The following DIAPH2 variants were observed in gnomAD, a reference collection of about 807,000 sequenced individuals.
DIAPH2 encodes the protein protein diaphanous homolog 2.
A neutral mutation model predicts 92.7 loss-of-function variants in DIAPH2; 35 were observed. The observed-to-expected ratio is 0.38, with a 90% CI of 0.29 to 0.50. The LOEUF (loss-of-function observed/expected upper bound fraction) is 0.50. Among genes scored for constraint, DIAPH2 ranks in the 20% least tolerant of loss-of-function variants. The pLI is 0.94. For synonymous variants in DIAPH2, 301 were observed against 280.4 expected, an observed-to-expected ratio of 1.07 and a Z score of -0.73; for missense variants, 701 against 819.5, an observed-to-expected ratio of 0.86 and a Z score of 1.77.
At chrX:96,958,884 A>G (rs972867444) in intron 16 of DIAPH2, among the ~76,000 whole-genome samples, 3 of 111,635 alleles carry the variant, frequency 2.7e-5, no homozygotes, top group African/African-American at 6.5e-5. Context: ...CTCCAATTCC[A>G]TACATATTGC....
intron 23 of DIAPH2, among the ~76,000 whole-genome samples, chrX:97,282,916 C>T (rs1049538695): frequency 6.3e-5 from 7 of 111,429 alleles, no homozygotes; most frequent in Middle Eastern, 4.7e-3. Flanking sequence ...CATGTATGAT[C>T]GTGTTTCCTG....
rs962776012 is a variant in DIAPH2 at position 96,718,336 on chromosome X, GTTTTTTTTT to G, written c.133-17392_133-17384del. Among the ~76,000 whole-genome samples, 22 of 10,986 alleles carry G rather than the reference GTTTTTTTTT, an allele frequency of 2.0e-3. 1 individual carries two copies. Among genetic ancestry groups the G allele is most frequent in the African/African-American group, 9.7e-3 (21 of 2,171 alleles). 9.5% of individuals were successfully genotyped at this position (10,986 alleles called of 115,157 possible). A position where few individuals can be genotyped will look rare whatever the true frequency, so the allele number is the denominator to read the frequency against. ...TGTATATATGTACCACATTTTCTTT[GTTTTTTTTT>G]TTTTTTTTTTTTTTTTTTTTTTTTT... On this transcript the variant is annotated intron_variant, in intron 1 of 26. Transcript: ENST00000324765.
At chrX:96,970,960 T>C (rs774176790) in intron 17 of DIAPH2, among the ~76,000 whole-genome samples, 1 of 112,205 alleles carries the variant, frequency 8.9e-6, no homozygotes, top group Admixed American at 9.4e-5. Flanking sequence ...TCCAAAAAAA[T>C]TTTTATTTTC....
chrX:96,882,923 C>T (rs966909279), intron 5 of DIAPH2, among the ~76,000 whole-genome samples: 5 of 85,446 alleles, frequency 5.9e-5, no homozygotes, highest in Non-Finnish European at 6.4e-5. Context: ...CCCGCCACTG[C>T]ACTCCAACCT....
At position 96,996,708 on chromosome X, in the gene DIAPH2, G is replaced by A. The variant is rs368968040; in HGVS notation, c.2050+31501G>A. Among the ~76,000 whole-genome samples the A allele has an allele frequency of 3.6e-5, 4 of 111,872 alleles. No homozygotes were observed. The East Asian group carries it at 1.1e-3, about 32-fold the overall frequency. ...ACAATCCTTATTTAATAGATACTTA[G>A]TTTGAATTGCTATAGTTATATTATT... On this transcript the variant is annotated intron_variant, in intron 17 of 26. Coordinates refer to ENST00000324765, the MANE Select transcript of DIAPH2 (RefSeq NM_006729.5).
intron 23 of DIAPH2, among the ~76,000 whole-genome samples, chrX:97,341,596 C>A (rs1181221734): frequency 9.1e-6 from 1 of 110,416 alleles, no homozygotes; most frequent in Non-Finnish European, 1.9e-5. Flanking sequence ...AGCTAAAAAA[C>A]CAGGAAAACT....
intron 17 of DIAPH2, among the ~76,000 whole-genome samples, chrX:97,065,540 G>A (rs1385898497): frequency 9.0e-6 from 1 of 111,534 alleles, no homozygotes; most frequent in African/African-American, 3.3e-5. Context: ...AACATACTGT[G>A]CTGCCAGTAA....
intron 23 of DIAPH2, among the ~76,000 whole-genome samples, chrX:97,303,548 T>C (rs1320264175): frequency 1.8e-5 from 2 of 111,296 alleles, no homozygotes; most frequent in African/African-American, 3.3e-5. Flanking sequence ...GCATAGGAGG[T>C]ATTATTTATT....
chrX:97,178,716 G>A (rs778779909), intron 22 of DIAPH2, among the ~76,000 whole-genome samples: 1 of 110,942 alleles, frequency 9.0e-6, no homozygotes, highest in Admixed American at 9.7e-5. Flanking sequence ...GGTATGGTCT[G>A]AATGTTCTCC....
intron 26 of DIAPH2, among the ~76,000 whole-genome samples, chrX:97,509,250 T>C (rs1569414263): frequency 2.8e-5 from 3 of 108,832 alleles, no homozygotes. Flanking sequence ...TTTCACCGTG[T>C]TGACGAGGCT....
chrX:96,943,596 G>T (rs1356120818), intron 13 of DIAPH2, among the ~76,000 whole-genome samples: 1 of 110,970 alleles, frequency 9.0e-6, no homozygotes, highest in Non-Finnish European at 1.9e-5. Flanking sequence ...ATACACTATT[G>T]TTGATTTTGA....
intron 17 of DIAPH2, among the ~76,000 whole-genome samples, chrX:97,068,070 ATCT>A (rs1430672385): frequency 3.6e-5 from 4 of 112,074 alleles, no homozygotes; most frequent in African/African-American, 1.3e-4. Context: ...TCTTCTTCGT[ATCT>A]TCATCAATAC....
At chrX:97,583,720 C>T (rs1479615141) in intron 26 of DIAPH2, among the ~76,000 whole-genome samples, 6 of 111,143 alleles carry the variant, frequency 5.4e-5, no homozygotes, top group Non-Finnish European at 1.9e-5. Context: ...AGCTTCCTGG[C>T]TGCTTTGTTT....
intron 22 of DIAPH2, among the ~76,000 whole-genome samples, chrX:97,195,994 A>G (rs1201100301): frequency 8.9e-6 from 1 of 111,920 alleles, no homozygotes; most frequent in African/African-American, 3.3e-5. Context: ...TTTTCAAAAT[A>G]AAAGCATTCT....
At chrX:97,191,864 G>T (rs892430413) in intron 22 of DIAPH2, among the ~76,000 whole-genome samples, 5 of 111,236 alleles carry the variant, frequency 4.5e-5, no homozygotes, top group African/African-American at 1.3e-4. Flanking sequence ...AGATGAGTAT[G>T]AGTCTACTCT....
intron 1 of DIAPH2, among the ~76,000 whole-genome samples, chrX:96,707,033 T>G (rs2063889445): frequency 9.1e-6 from 1 of 110,330 alleles, no homozygotes; most frequent in Non-Finnish European, 1.9e-5. Flanking sequence ...GCACGGTGAC[T>G]CAAGCCTGTA....
In DIAPH2 at chrX:97,271,441, C is replaced by T. The variant is rs185030344; in HGVS notation, c.2844+23602C>T. 3.6e-5 allele frequency among the ~76,000 whole-genome samples: 4 copies of T among 111,471 alleles called. No homozygotes were observed. The South Asian group carries it at 1.5e-3, about 42-fold the overall frequency. ...AAGCAAATTTTCCCAGAAGAAATGT[C>T]GTAGTAAAATGTTTGAAAGACAGCA... On this transcript the variant is annotated intron_variant, in intron 23 of 26. Coordinates refer to ENST00000324765, the MANE Select transcript of DIAPH2 (RefSeq NM_006729.5).
intron 23 of DIAPH2, among the ~76,000 whole-genome samples, chrX:97,277,797 T>C (rs998134171): frequency 8.9e-5 from 10 of 112,206 alleles, no homozygotes; most frequent in Admixed American, 5.7e-4. Context: ...GAATAGTTTG[T>C]AGAAATGACT....
intron 5 of DIAPH2, among the ~76,000 whole-genome samples, chrX:96,902,274 T>C (rs1223486256): frequency 1.8e-5 from 2 of 112,218 alleles, no homozygotes; most frequent in African/African-American, 6.5e-5. Context: ...TTGGGAAGAA[T>C]GTTCTGTAGA....
Sources: gnomAD v4.1 joint callset for allele counts (sites outside exome capture counted in the v4.1 genomes callset) on GRCh38, gnomAD v4.1.1 for gene constraint, MANE v1.5 for transcripts, NCBI Gene and HGNC (gene_info 2026-07-23, HGNC 2026-07-21) for gene names.